GPM6A: variants seen among roughly 807,000 people sequenced by gnomAD.
GPM6A encodes the protein neuronal membrane glycoprotein M6-a.
Under a neutral mutation model 32.1 loss-of-function variants are expected in GPM6A, and 7 were observed. The observed-to-expected ratio is 0.22, with a 90% CI of 0.12 to 0.41. The LOEUF (loss-of-function observed/expected upper bound fraction) is 0.41, where lower values mean the gene tolerates loss of function less well. GPM6A is among the 10% of genes least tolerant of loss of function. GPM6A has a pLI of 1.00. For missense variants in GPM6A, 235 were observed against 347.2 expected (o/e 0.68, Z 2.57); for synonymous variants, 130 against 123.4 (o/e 1.05, Z -0.35).
At chr4:175,862,700 C>A (rs192648110) in intron 1 of GPM6A, among the ~76,000 whole-genome samples, 7 of 152,038 alleles carry the variant, frequency 4.6e-5, no homozygotes, top group Non-Finnish European at 7.4e-5. Context: ...ATTAGCATTC[C>A]ATTTACTCAA....
intron 1 of GPM6A, among the ~76,000 whole-genome samples, chr4:175,862,615 A>G (rs188917594): frequency 2.8e-4 from 43 of 152,324 alleles, no homozygotes; most frequent in Non-Finnish European, 4.1e-4. Context: ...ACTTTCGTAA[A>G]CAATACACAC....
chr4:176,002,318 G>A (rs982515153), exon 1 of GPM6A: 13 of 1,594,894 alleles, frequency 8.2e-6, no homozygotes, highest in Non-Finnish European at 1.0e-5. Context: ...CCCATGGCCC[G>A]AGGTCCTGCT....
At chr4:175,985,354 A>AT (rs1342284874) in intron 1 of GPM6A, among the ~76,000 whole-genome samples, 3 of 152,172 alleles carry the variant, frequency 2.0e-5, no homozygotes, top group Non-Finnish European at 4.4e-5. Flanking sequence ...GCTATTGTAA[A>AT]TTAGATTTTA....
intron 1 of GPM6A, chr4:175,787,352 A>G (rs760454476): frequency 1.3e-6 from 2 of 1,534,128 alleles, no homozygotes; most frequent in African/African-American, 2.7e-5. Context: ...GGTCTGTCAT[A>G]AAAGTGTGAT....
intron 1 of GPM6A, among the ~76,000 whole-genome samples, chr4:175,724,965 C>T (rs533023588): frequency 3.9e-5 from 6 of 152,222 alleles, no homozygotes; most frequent in South Asian, 2.1e-4. Flanking sequence ...TTCTCCCTGG[C>T]GAGGCCCTCT....
chr4:175,996,081 T>C (rs1741298863), intron 1 of GPM6A, among the ~76,000 whole-genome samples: 1 of 152,196 alleles, frequency 6.6e-6, no homozygotes, highest in South Asian at 2.1e-4. Flanking sequence ...AATGAGCTAA[T>C]ATTTTTTAAG....
chr4:175,644,121 GTT>G (rs781755092), intron 4 of GPM6A, among the ~76,000 whole-genome samples: 6 of 110,364 alleles, frequency 5.4e-5, no homozygotes, highest in South Asian at 6.5e-4. Context: ...TTTTCCGTTT[GTT>G]TTTTTTTTTT....
chr4:175,731,128 A>T (rs1176638502), intron 1 of GPM6A, among the ~76,000 whole-genome samples: 1 of 152,220 alleles, frequency 6.6e-6, no homozygotes, highest in Non-Finnish European at 1.5e-5. Context: ...TGCTAATTAT[A>T]AAAAGATACC....
intron 1 of GPM6A, among the ~76,000 whole-genome samples, chr4:175,901,094 T>A (rs554083723): frequency 6.9e-6 from 1 of 144,106 alleles, no homozygotes; most frequent in Non-Finnish European, 1.5e-5. Flanking sequence ...CTCATGGACA[T>A]AGAGAGTGGA....
intron 1 of GPM6A, among the ~76,000 whole-genome samples, chr4:175,877,988 G>T (rs963655286): frequency 2.4e-4 from 36 of 152,104 alleles, no homozygotes; most frequent in Admixed American, 2.3e-3. Context: ...CAAAAAAGGG[G>T]GCTACAGGCC....
rs535927314 is a variant in GPM6A at position 175,726,472 on chromosome 4, T to C, written c.38-24705A>G. On this transcript the variant is annotated intron_variant, in intron 1 of 6. Transcript: ENST00000393658. Reference sequence around the variant, plus strand: ...TACATTCTGAATAAATTCTAATGAATATTTTTGTGTTTATGTTTTTGACAT... The same window carrying C: ...TACATTCTGAATAAATTCTAATGAACATTTTTGTGTTTATGTTTTTGACAT... 4.6e-3 allele frequency among the ~76,000 whole-genome samples: 697 copies of C among 152,364 alleles called. 1 individual carries two copies. The highest frequency in any genetic ancestry group is 0.016 in the African/African-American group (673 of 41,580).
chr4:175,905,184 A>G (rs1486515736), intron 1 of GPM6A, among the ~76,000 whole-genome samples: 1 of 152,150 alleles, frequency 6.6e-6, no homozygotes, highest in South Asian at 2.1e-4. Context: ...GTAAATCTGT[A>G]GGAGAAACTA....
chr4:175,701,394 G>A (rs73002168), intron 2 of GPM6A, among the ~76,000 whole-genome samples, 181 bp downstream of exon 2: 115 of 152,198 alleles, frequency 7.6e-4, no homozygotes, highest in African/African-American at 2.4e-3. Context: ...CCTGTGCTAC[G>A]TGCCTTCTAT....
chr4:175,737,246 T>C (rs1426942401), intron 1 of GPM6A, among the ~76,000 whole-genome samples: 3 of 152,080 alleles, frequency 2.0e-5, no homozygotes, highest in Non-Finnish European at 1.5e-5. Flanking sequence ...GGGCAATCTA[T>C]AAAGAAAAGA....
At chr4:175,714,394 T>C (rs1745721627) in intron 1 of GPM6A, among the ~76,000 whole-genome samples, 1 of 152,178 alleles carries the variant, frequency 6.6e-6, no homozygotes, top group Admixed American at 6.5e-5. Context: ...TTTTTATTTT[T>C]ATATTTTAGA....
chr4:175,651,208 T>C (rs1008089887), intron 4 of GPM6A, among the ~76,000 whole-genome samples: 1 of 152,090 alleles, frequency 6.6e-6, no homozygotes, highest in East Asian at 1.9e-4. Context: ...TATGGCCTAC[T>C]ATATAGAGTC....
rs573162489 is a variant in GPM6A, at chr4:175,911,721, T to A, written c.-23+90588A>T. On this transcript the variant is annotated intron_variant, in intron 1 of 7. Transcript: ENST00000280187. ...AATTAGAAGGTTCTTACAGATAATG[T>A]AATAACCCAAACTAGGATTATATGT... 4.6e-5 allele frequency among the ~76,000 whole-genome samples: 7 copies of A among 152,302 alleles called. No individual in the cohort carries two copies. The South Asian group carries it at 1.4e-3, about 32-fold the overall frequency.
chr4:175,694,702 G>A (rs937637356), intron 2 of GPM6A, among the ~76,000 whole-genome samples: 2 of 152,154 alleles, frequency 1.3e-5, no homozygotes, highest in African/African-American at 4.8e-5. Context: ...CTAGCCATGT[G>A]GTAGAAAAGA....
At chr4:175,727,178 T>C (rs1051889489) in intron 1 of GPM6A, among the ~76,000 whole-genome samples, 1 of 152,138 alleles carries the variant, frequency 6.6e-6, no homozygotes, top group South Asian at 2.1e-4. Context: ...TCATCGGTAT[T>C]ACCAAAAGAT....
Sources: allele counts gnomAD v4.1 joint callset (sites outside exome capture counted in the v4.1 genomes callset), GRCh38; gene constraint gnomAD v4.1.1; transcripts MANE v1.5; gene names NCBI Gene and HGNC (gene_info 2026-07-23, HGNC 2026-07-21).